CLIC5: variants seen among roughly 807,000 people sequenced by gnomAD.
The protein encoded by CLIC5 is chloride intracellular channel protein 5.
Under a neutral mutation model 24.7 loss-of-function variants are expected in CLIC5, and 20 were observed. That is an observed-to-expected ratio of 0.81 (90% CI 0.57 to 1.18). The LOEUF (loss-of-function observed/expected upper bound fraction) is 1.18, where lower values mean the gene tolerates loss of function less well. Ranked by LOEUF, CLIC5 falls within the 50% of genes most tolerant of loss-of-function variation. The pLI is 0.00. For synonymous variants in CLIC5, 159 were observed against 135.6 expected, an observed-to-expected ratio of 1.17 and a Z score of -1.20; for missense variants, 341 against 326.1, an observed-to-expected ratio of 1.05 and a Z score of -0.35.
At chr6:45,994,293 T>C (rs1766047606) in intron 1 of CLIC5, among the ~76,000 whole-genome samples, 1 of 152,204 alleles carries the variant, frequency 6.6e-6, no homozygotes, top group Non-Finnish European at 1.5e-5. Context: ...ATATACACCA[T>C]GGAATACTAT....
chr6:46,008,465 A>T (rs1766672001), intron 1 of CLIC5, among the ~76,000 whole-genome samples: 2 of 152,080 alleles, frequency 1.3e-5, no homozygotes, highest in South Asian at 4.1e-4. Context: ...CCTGTCACTC[A>T]TGTGCCACTG....
chr6:45,919,363 C>T (rs1368664432), intron 4 of CLIC5, among the ~76,000 whole-genome samples: 1 of 152,072 alleles, frequency 6.6e-6, no homozygotes, highest in African/African-American at 2.4e-5. Context: ...TGCTTCCTTC[C>T]AGAGTAACCA....
chr6:45,970,830 T>C (rs1291936710), intron 1 of CLIC5, among the ~76,000 whole-genome samples: 1 of 152,192 alleles, frequency 6.6e-6, no homozygotes, highest in Non-Finnish European at 1.5e-5. Flanking sequence ...TCTGCACCCT[T>C]ACCTATGAAA....
chr6:46,028,576 C>T (rs2127454266), intron 1 of CLIC5, among the ~76,000 whole-genome samples: 1 of 152,274 alleles, frequency 6.6e-6, no homozygotes, highest in South Asian at 2.1e-4. Flanking sequence ...CTTTCTCTTC[C>T]AGTAAGTTAT....
chr6:46,116,581 T>C, the CLIC5 span, among the ~76,000 whole-genome samples: 6 of 152,314 alleles, frequency 3.9e-5, no homozygotes, highest in Admixed American at 2.6e-4. Context: ...ATGTTAAGTG[T>C]TGGGGATTAC....
chr6:45,933,785 G>A (rs1222410232), intron 4 of CLIC5, among the ~76,000 whole-genome samples: 8 of 152,194 alleles, frequency 5.3e-5, no homozygotes, highest in African/African-American at 1.2e-4. Flanking sequence ...GGCGACACAC[G>A]CCTGAGGCTG....
At chr6:45,983,174 T>A (rs564266186) in intron 1 of CLIC5, among the ~76,000 whole-genome samples, 3 of 152,302 alleles carry the variant, frequency 2.0e-5, no homozygotes, top group Non-Finnish European at 2.9e-5. Context: ...GCCCAGGGAC[T>A]TTTTCACTGC....
At chr6:46,121,409 C>T in the CLIC5 span, among the ~76,000 whole-genome samples, 1 of 152,140 alleles carries the variant, frequency 6.6e-6, no homozygotes, top group Non-Finnish European at 1.5e-5. Flanking sequence ...CCAGGCCTGC[C>T]CTAAAAGAGC....
Position 45,924,511 on chromosome 6 carries a change from G to A in CLIC5, c.407-10102C>T, listed in dbSNP as rs1763398962. Reference sequence around the variant, plus strand: ...CTACATGAGTCTTGCATCTCCTAAAGTTTGAAGTGTGTAGCAAATTAAATG... The same window carrying A: ...CTACATGAGTCTTGCATCTCCTAAAATTTGAAGTGTGTAGCAAATTAAATG... On this transcript the variant is annotated intron_variant, in intron 4 of 5. Coordinates refer to ENST00000339561, the MANE Select transcript of CLIC5 (RefSeq NM_016929.5). Among the ~76,000 whole-genome samples, 3 of 152,130 alleles carry A rather than the reference G, an allele frequency of 2.0e-5. No individual in the cohort carries two copies. The South Asian group carries it at 6.2e-4, about 32-fold the overall frequency.
the CLIC5 span, chr6:46,097,336 T>C: frequency 6.6e-6 from 1 of 152,216 alleles, no homozygotes; most frequent in African/African-American, 2.4e-5. Context: ...AAATTTTTCA[T>C]AATACAATGT....
intron 1 of CLIC5, among the ~76,000 whole-genome samples, chr6:45,970,449 T>G (rs1310319940): frequency 6.6e-6 from 1 of 152,224 alleles, no homozygotes; most frequent in Non-Finnish European, 1.5e-5. Context: ...GTCTGTCTTT[T>G]GTAATCCCCA....
chr6:45,940,362 G>A (rs914186441), intron 4 of CLIC5, among the ~76,000 whole-genome samples: 2 of 152,332 alleles, frequency 1.3e-5, no homozygotes, highest in South Asian at 4.1e-4. Context: ...GAAGACTGAG[G>A]AAGTGTTTGT....
rs397957956 is a variant in CLIC5, at chr6:45,900,531, C to CAAAAAAAAAAAAAA, written c.*2556_*2557insTTTTTTTTTTTTTT. On this transcript the variant is annotated 3_prime_UTR_variant, in exon 6 of 6. Coordinates refer to ENST00000339561, the MANE Select transcript of CLIC5 (RefSeq NM_016929.5). Reference sequence around the variant, plus strand: ...ATCTGGAGAAAGATCTCTTTTGAAACAAAAAAAAAAAGGAAGGTAATATTA... The same window carrying CAAAAAAAAAAAAAA: ...ATCTGGAGAAAGATCTCTTTTGAAACAAAAAAAAAAAAAAAAAAAAAAAAAGGAAGGTAATATTA... 4 of 128,752 alleles carry CAAAAAAAAAAAAAA rather than the reference C, an allele frequency of 3.1e-5. No individual in the cohort carries two copies. The highest frequency in any genetic ancestry group is 3.2e-5 in the Non-Finnish European group (2 of 61,998). 8.0% of individuals were successfully genotyped at this position (128,752 alleles called of 1,614,324 possible). A position where few individuals can be genotyped will look rare whatever the true frequency, so the allele number is the denominator to read the frequency against.
chr6:46,010,474 C>T (rs1766766449), intron 1 of CLIC5, among the ~76,000 whole-genome samples: 1 of 152,214 alleles, frequency 6.6e-6, no homozygotes, highest in African/African-American at 2.4e-5. Context: ...TCTTCCACCA[C>T]ATCTCTTGCC....
the CLIC5 span, among the ~76,000 whole-genome samples, chr6:46,096,481 C>T: frequency 8.5e-5 from 13 of 152,146 alleles, no homozygotes; most frequent in African/African-American, 2.7e-4. Context: ...TTCAGTCATC[C>T]GAAGGTTTGA....
the CLIC5 span, among the ~76,000 whole-genome samples, chr6:46,088,763 T>C: frequency 6.6e-6 from 1 of 152,216 alleles, no homozygotes; most frequent in African/African-American, 2.4e-5. Context: ...ATCTCATTTG[T>C]TGATTTAGAA....
At chr6:45,905,806 T>G (rs1292094417) in intron 5 of CLIC5, among the ~76,000 whole-genome samples, 1 of 152,190 alleles carries the variant, frequency 6.6e-6, no homozygotes, top group East Asian at 1.9e-4. Context: ...CCAAAACTGA[T>G]GTACAGAATG....
chr6:46,118,669 G>T, the CLIC5 span, among the ~76,000 whole-genome samples: 1 of 152,120 alleles, frequency 6.6e-6, no homozygotes, highest in Admixed American at 6.5e-5. Flanking sequence ...AAACTTTCCA[G>T]CCTCAATCCC....
At chr6:46,069,700 G>A (rs1762538633) in intron 1 of CLIC5, among the ~76,000 whole-genome samples, 1 of 152,130 alleles carries the variant, frequency 6.6e-6, no homozygotes, top group African/African-American at 2.4e-5. Flanking sequence ...GAAGAGGAAG[G>A]ACTCCTCCCT....
Sources: allele counts gnomAD v4.1 joint callset (sites outside exome capture counted in the v4.1 genomes callset), GRCh38; gene constraint gnomAD v4.1.1; transcripts MANE v1.5; gene names NCBI Gene and HGNC (gene_info 2026-07-23, HGNC 2026-07-21).